PRPF18: variants seen among roughly 807,000 people sequenced by gnomAD.
The protein encoded by PRPF18 is pre-mRNA-splicing factor 18.
PRPF18 carries 38 observed loss-of-function variants against 46.5 expected under a neutral mutation model. The ratio of observed to expected loss-of-function variants is 0.82; its 90% CI spans 0.63 to 1.07. The LOEUF (loss-of-function observed/expected upper bound fraction) is 1.07, where lower values mean the gene tolerates loss of function less well. Among genes scored for constraint, PRPF18 ranks in the 50% least tolerant of loss-of-function variants. PRPF18 has a pLI of 0.00. For synonymous variants in PRPF18, 152 were observed against 146.7 expected (o/e 1.04, Z -0.26); for missense variants, 263 against 410.0 (o/e 0.64, Z 3.10).
chr10:13,626,887 T>C (rs2080515403), intron 9 of PRPF18, among the ~76,000 whole-genome samples: 1 of 152,044 alleles, frequency 6.6e-6, no homozygotes, highest in Non-Finnish European at 1.5e-5. Flanking sequence ...ACCCATATCC[T>C]ATCCATGTCA....
chr10:13,629,421 G>A (rs2080559835), intron 9 of PRPF18, among the ~76,000 whole-genome samples: 1 of 152,144 alleles, frequency 6.6e-6, no homozygotes, highest in African/African-American at 2.4e-5. Flanking sequence ...AAGTTATAAA[G>A]TAAGTAATAA....
In PRPF18 at chr10:13,616,481, T is replaced by A. The variant is rs1309897225; in HGVS notation, c.876T>A (p.Thr292=). Reference sequence around the variant, plus strand: ...CTATGGTTGGTATCCATGCCAGAACTGGCAGAGAAAAGATTTTTTCCAAGC... The same window carrying A: ...CTATGGTTGGTATCCATGCCAGAACAGGCAGAGAAAAGATTTTTTCCAAGC... ...GVTMVGIHAR[T]GREKIFSKHV... The change falls in exon 9 of 10, where the codon ACT becomes ACA. Residue 292 remains threonine (T), a synonymous_variant. Transcript: ENST00000378572. 1.2e-6 allele frequency: 2 copies of A among 1,614,060 alleles called. No individual in the cohort carries two copies. The highest frequency in any genetic ancestry group is 3.3e-5 in the Admixed American group (2 of 60,024).
chr10:13,597,638 A>G (rs1383172499), intron 2 of PRPF18, 103 bp downstream of exon 2: 1 of 1,604,664 alleles, frequency 6.2e-7, no homozygotes, highest in Non-Finnish European at 8.5e-7. Context: ...TTATCAATAT[A>G]CGTTAGCCTA....
chr10:13,589,109 C>T (rs916585827), intron 1 of PRPF18, among the ~76,000 whole-genome samples: 2 of 152,222 alleles, frequency 1.3e-5, no homozygotes, highest in African/African-American at 2.4e-5. Context: ...TGTCAGGCTC[C>T]TGATGACAGA....
the PRPF18 span, chr10:13,640,172 C>T: frequency 6.6e-6 from 1 of 152,212 alleles, no homozygotes; most frequent in South Asian, 2.1e-4. Flanking sequence ...GAAAAGCTTC[C>T]ACATTTTAAT....
intron 5 of PRPF18, among the ~76,000 whole-genome samples, 166 bp from the exon 6 acceptor site, chr10:13,611,449 C>G (rs1049031376): frequency 3.9e-5 from 6 of 152,116 alleles, no homozygotes; most frequent in Non-Finnish European, 7.4e-5. Flanking sequence ...AGTGGCAAAT[C>G]CGTGTTTTTT....
chr10:13,650,932 T>C, the PRPF18 span: 1 of 138,632 alleles, frequency 7.2e-6, no homozygotes, highest in East Asian at 2.2e-4. Context: ...CCTCTCAGCA[T>C]TGCATTTTGT....
At chr10:13,654,785 C>T in the PRPF18 span, 5 of 488,990 alleles carry the variant, frequency 1.0e-5, no homozygotes, top group African/African-American at 5.9e-5. Flanking sequence ...GACCTGGGAT[C>T]CTAGGTCCCC....
At chr10:13,652,187 C>CTTTTACCCA in the PRPF18 span, 1 of 589,572 alleles carries the variant, frequency 1.7e-6, no homozygotes, top group Non-Finnish European at 3.0e-6. Flanking sequence ...GACGGGCCCT[C>CTTTTACCCA]TTTTACCCAT....
chr10:13,654,157 C>T, the PRPF18 span: 16 of 559,820 alleles, frequency 2.9e-5, no homozygotes, highest in Non-Finnish European at 3.8e-5. Context: ...AGTCCCACTT[C>T]GTGCTTCCAT....
chr10:13,623,208 GA>G (rs34550515), intron 9 of PRPF18, among the ~76,000 whole-genome samples: 2,110 of 141,850 alleles, frequency 0.015, 48 homozygotes, highest in African/African-American at 0.048. Context: ...CTCAAAAAAA[GA>G]AAAAAAAAAA....
chr10:13,596,866 A>G (rs2080042420), intron 1 of PRPF18, among the ~76,000 whole-genome samples: 1 of 152,084 alleles, frequency 6.6e-6, no homozygotes, highest in Non-Finnish European at 1.5e-5. Flanking sequence ...CAAACAGAAA[A>G]CCAGAAAAAC....
chr10:13,615,575 A>G (rs1455851579), intron 8 of PRPF18, among the ~76,000 whole-genome samples: 1 of 152,156 alleles, frequency 6.6e-6, no homozygotes, highest in Non-Finnish European at 1.5e-5. Context: ...GACTCTCCCT[A>G]TCAATCTCAT....
intron 4 of PRPF18, among the ~76,000 whole-genome samples, chr10:13,606,912 C>A (rs779196215): frequency 6.6e-6 from 1 of 152,044 alleles, no homozygotes; most frequent in Non-Finnish European, 1.5e-5. Flanking sequence ...ATAAGAAATG[C>A]CAGTCATTTC....
chr10:13,634,926 G>A (rs1156629709), downstream of PRPF18, among the ~76,000 whole-genome samples: 1 of 152,022 alleles, frequency 6.6e-6, no homozygotes, highest in Non-Finnish European at 1.5e-5. Flanking sequence ...ATATGTGCAG[G>A]ATGTGCAGGT....
chr10:13,640,005 A>G, the PRPF18 span: 1 of 152,156 alleles, frequency 6.6e-6, no homozygotes, highest in African/African-American at 2.4e-5. Flanking sequence ...CACTTGTAGA[A>G]CCAGCTTCAT....
At chr10:13,609,947 A>T (rs2080247744) in intron 4 of PRPF18, 92 bp from the exon 5 acceptor site, 6 of 1,352,178 alleles carry the variant, frequency 4.4e-6, no homozygotes, top group Non-Finnish European at 5.1e-6. Context: ...TGGGGGAAAA[A>T]ATATTTGCAG....
At chr10:13,628,740 TGTTAA>T (rs2080548018) in intron 9 of PRPF18, among the ~76,000 whole-genome samples, 1 of 152,112 alleles carries the variant, frequency 6.6e-6, no homozygotes, top group South Asian at 2.1e-4. Flanking sequence ...GCTTAACAGG[TGTTAA>T]GTTACGTAGA....
chr10:13,619,739 G>A (rs898232161), intron 9 of PRPF18, among the ~76,000 whole-genome samples: 1 of 151,932 alleles, frequency 6.6e-6, no homozygotes, highest in Non-Finnish European at 1.5e-5. Flanking sequence ...GTGATGCTTG[G>A]CCTCTCTGTT....
Sources: allele counts gnomAD v4.1 joint callset (sites outside exome capture counted in the v4.1 genomes callset), GRCh38; gene constraint gnomAD v4.1.1; transcripts MANE v1.5; gene names NCBI Gene and HGNC (gene_info 2026-07-23, HGNC 2026-07-21).